Variants in ARHGAP21 observed in about 807,000 individuals in gnomAD.
ARHGAP21 encodes the protein Rho GTPase activating protein 21.
Under a neutral mutation model 164.6 loss-of-function variants are expected in ARHGAP21, and 38 were observed. The ratio of observed to expected loss-of-function variants is 0.23; its 90% CI spans 0.18 to 0.30. ARHGAP21 has a LOEUF of 0.30. ARHGAP21 is among the 10% of genes least tolerant of loss of function. The pLI, the probability that ARHGAP21 is intolerant of heterozygous loss-of-function variation, is 1.00. For missense variants in ARHGAP21, 1,822 were observed against 2,370.7 expected (o/e 0.77, Z 4.81); for synonymous variants, 766 against 857.9 (o/e 0.89, Z 1.87).
chr10:24,606,684 TCTA>T (rs2130978065), intron 11 of ARHGAP21, among the ~76,000 whole-genome samples: 1 of 152,240 alleles, frequency 6.6e-6, no homozygotes, highest in South Asian at 2.1e-4. Context: ...AAACCCGGTC[TCTA>T]CTAAGATACA....
chr10:24,644,731 T>C (rs1168392283), intron 4 of ARHGAP21, among the ~76,000 whole-genome samples: 3 of 152,234 alleles, frequency 2.0e-5, no homozygotes, highest in African/African-American at 7.2e-5. Flanking sequence ...TTCCACTACT[T>C]ACTCTCAAAT....
intron 7 of ARHGAP21, among the ~76,000 whole-genome samples, chr10:24,625,717 G>A (rs148367345): frequency 1.3e-5 from 2 of 152,190 alleles, no homozygotes; most frequent in South Asian, 4.2e-4. Flanking sequence ...ACTTAAATAG[G>A]ATATTGTACT....
At chr10:24,596,636 C>T in intron 17 of ARHGAP21, 104 bp downstream of exon 17, 1 of 1,504,012 alleles carries the variant, frequency 6.6e-7, no homozygotes, top group Non-Finnish European at 9.0e-7. Flanking sequence ...AAAAGGAAAA[C>T]AGATTGACAG....
At chr10:24,602,629 GT>G (rs1174033333) in intron 12 of ARHGAP21, among the ~76,000 whole-genome samples, 9 of 152,230 alleles carry the variant, frequency 5.9e-5, no homozygotes, top group African/African-American at 2.2e-4. Flanking sequence ...CTAATTCTAG[GT>G]CATTAAGGGT....
intron 9 of ARHGAP21, among the ~76,000 whole-genome samples, chr10:24,611,295 C>T (rs903521601): frequency 1.3e-5 from 2 of 152,176 alleles, no homozygotes; most frequent in Non-Finnish European, 2.9e-5. Flanking sequence ...ACTTTCTCTT[C>T]TTATCCTTGG....
At chr10:24,613,512 T>G (rs1044815018) in intron 9 of ARHGAP21, among the ~76,000 whole-genome samples, 5 of 152,346 alleles carry the variant, frequency 3.3e-5, no homozygotes, top group Admixed American at 1.3e-4. Context: ...ATTCAGCTTC[T>G]TCAAAGTCAT....
intron 2 of ARHGAP21, 98 bp downstream of exon 2, chr10:24,721,721 GCTCAAAGCCCCGGGAAGC>G (rs1408428883): frequency 4.1e-6 from 5 of 1,234,440 alleles, no homozygotes; most frequent in Non-Finnish European, 4.6e-6. Context: ...CCGCCAACAG[GCTCAAAGCCCCGGGAAGC>G]CCCTAGTGAG....
intron 3 of ARHGAP21, 73 bp from the exon 4 acceptor site, chr10:24,667,082 A>G: frequency 1.2e-6 from 1 of 825,324 alleles, no homozygotes; most frequent in Non-Finnish European, 1.8e-6. Context: ...GCAAGGCTCA[A>G]TTTAATTCAA....
intron 4 of ARHGAP21, among the ~76,000 whole-genome samples, chr10:24,653,141 G>A (rs1838374041): frequency 6.6e-6 from 1 of 152,128 alleles, no homozygotes; most frequent in African/African-American, 2.4e-5. Context: ...TTAGACAACT[G>A]CATACACCCA....
chr10:24,716,569 G>C lies in ARHGAP21; in HGVS notation c.63+5268C>G, dbSNP rs185337783. Among the ~76,000 whole-genome samples, 5 of 152,360 alleles carry C rather than the reference G, an allele frequency of 3.3e-5. No homozygotes were observed. The South Asian group carries it at 8.3e-4, about 25-fold the overall frequency. On this transcript the variant is annotated intron_variant, in intron 2 of 25. Transcript: ENST00000396432. ...GAGGCACAGGAGGTGCGCTCAGGGAGGGGGAAGGACCAATTATACAGGGCT... is the reference window on the plus strand; with the variant it reads ...GAGGCACAGGAGGTGCGCTCAGGGACGGGGAAGGACCAATTATACAGGGCT...
At chr10:24,612,024 G>A (rs1386711801) in intron 9 of ARHGAP21, among the ~76,000 whole-genome samples, 1 of 152,184 alleles carries the variant, frequency 6.6e-6, no homozygotes, top group East Asian at 1.9e-4. Flanking sequence ...TCTAAGGTGA[G>A]CTGAGTTATG....
intron 4 of ARHGAP21, among the ~76,000 whole-genome samples, chr10:24,650,376 C>A (rs556216679): frequency 6.6e-6 from 1 of 152,116 alleles, no homozygotes; most frequent in South Asian, 2.1e-4. Flanking sequence ...ACAAAAAAAG[C>A]AACATGTAGA....
chr10:24,640,208 T>C (rs1408979070), intron 4 of ARHGAP21: 1 of 151,790 alleles, frequency 6.6e-6, no homozygotes, highest in Non-Finnish European at 1.5e-5. Context: ...TCTTGTCTGA[T>C]GTCGGAAGTT....
At chr10:24,603,581 G>C (rs1429721062) in intron 12 of ARHGAP21, among the ~76,000 whole-genome samples, 4 of 152,170 alleles carry the variant, frequency 2.6e-5, no homozygotes, top group African/African-American at 9.7e-5. Context: ...GTGCAGAAGG[G>C]CACCGAGGAA....
intron 2 of ARHGAP21, among the ~76,000 whole-genome samples, chr10:24,681,588 T>C (rs962732910): frequency 6.6e-6 from 1 of 152,132 alleles, no homozygotes; most frequent in Non-Finnish European, 1.5e-5. Flanking sequence ...GATTCCATCA[T>C]GTAACTAAGA....
rs1834369102 is a variant in ARHGAP21, at chr10:24,619,866, C to T, written c.2029G>A (p.Val677Met). Residue 677 changes from valine to methionine, a missense_variant, in exon 9 of 26, where the codon GTG (valine) becomes ATG (methionine). By Grantham distance (21) the Val-to-Met change is conservative. This residue lies in a region of ARHGAP21 where 1,090 missense variants were observed against 1,378.9 expected (regional missense o/e 0.79). Coordinates refer to ENST00000396432, the MANE Select transcript of ARHGAP21 (RefSeq NM_020824.4). ...VRTDSAPDQQ[V>M]ETGKSPSLSG... is the part of the protein sequence containing the mutation. ...AAAGAGGGGGATTTCCCAGTCTCCA[C>T]TTGCTGATCGGGGGCACTGTCAGTC... The T allele has an allele frequency of 6.2e-7, 1 of 1,614,196 alleles. No homozygotes were observed. The highest frequency in any genetic ancestry group is 8.5e-7 in the Non-Finnish European group (1 of 1,180,042).
intron 24 of ARHGAP21, chr10:24,590,632 G>A (rs888656338): frequency 1.4e-6 from 2 of 1,397,014 alleles, no homozygotes; most frequent in African/African-American, 2.9e-5. Flanking sequence ...TTCATCAAAA[G>A]AGCCTAGAAG....
intron 2 of ARHGAP21, among the ~76,000 whole-genome samples, chr10:24,697,432 TTTC>T (rs1349784380): frequency 1.3e-5 from 2 of 152,178 alleles, no homozygotes; most frequent in African/African-American, 4.8e-5. Flanking sequence ...TATCCCATCT[TTTC>T]TTCTTCTCCA....
intron 2 of ARHGAP21, among the ~76,000 whole-genome samples, 155 bp from the exon 3 acceptor site, chr10:24,670,552 TTTA>T (rs371992759): frequency 2.1e-3 from 317 of 152,210 alleles, no homozygotes; most frequent in Non-Finnish European, 3.4e-3. Context: ...AAAACTAAAA[TTTA>T]TTATATTATT....
Sources: gnomAD v4.1 joint callset for allele counts (sites outside exome capture counted in the v4.1 genomes callset) on GRCh38, gnomAD v4.1.1 for gene constraint, gnomAD v4.1.1 regional missense constraint, MANE v1.5 for transcripts, NCBI Gene and HGNC (gene_info 2026-07-23, HGNC 2026-07-21) for gene names.